ACP6: variants seen among roughly 807,000 people sequenced by gnomAD.
ACP6 encodes the protein acid phosphatase 6, lysophosphatidic.
A neutral mutation model predicts 48.1 loss-of-function variants in ACP6; 48 were observed. The observed-to-expected ratio is 1.00, with a 90% CI of 0.79 to 1.27. The LOEUF is 1.27. Ranked by LOEUF, ACP6 falls within the 50% of genes most tolerant of loss-of-function variation. ACP6 has a pLI of 0.00. For missense variants in ACP6, 485 were observed against 529.1 expected, an observed-to-expected ratio of 0.92 and a Z score of 0.82; for synonymous variants, 172 against 204.2, an observed-to-expected ratio of 0.84 and a Z score of 1.34.
Position 147,647,222 on chromosome 1 carries a change from A to G in ACP6, c.*201T>C. 1 of 596,938 alleles carries G rather than the reference A, an allele frequency of 1.7e-6. No homozygotes were observed. Among genetic ancestry groups the G allele is most frequent in the Non-Finnish European group, 2.8e-6 (1 of 357,238 alleles). The allele number at this position is 596,938 out of a possible 1,614,324, so 37.0% of individuals were successfully genotyped here. On this transcript the variant is annotated 3_prime_UTR_variant, in exon 10 of 10. Coordinates refer to ENST00000583509, the MANE Select transcript of ACP6 (RefSeq NM_016361.5). ...CCTTAGAAACCAACTCACAAAATAG[A>G]GAAATATCCTTTTGGTCTCAATATT...
intron 1 of ACP6, among the ~76,000 whole-genome samples, chr1:147,662,993 CA>C (rs1660622214): frequency 6.6e-6 from 1 of 152,206 alleles, no homozygotes; most frequent in Non-Finnish European, 1.5e-5. Context: ...GCAAAAAGAT[CA>C]TGACTCACTG....
chr1:147,635,462 C>T (rs1451786934), intron 5 of ACP6, among the ~76,000 whole-genome samples: 1 of 152,222 alleles, frequency 6.6e-6, no homozygotes, highest in Non-Finnish European at 1.5e-5. Flanking sequence ...CTGAGCCTAT[C>T]TTTTACTTCT....
chr1:147,644,825 T>C lies in ACP6; in HGVS notation c.*2598A>G, dbSNP rs370149558. ...AGGCACGGAAATTGAGAGTTTATTG[T>C]GGACAATGGGAAGTTTGATACCTAT... On this transcript the variant is annotated 3_prime_UTR_variant, in exon 10 of 10. Transcript: ENST00000583509. The C allele has an allele frequency of 1.3e-5, 2 of 152,276 alleles. No homozygotes were observed. The highest frequency in any genetic ancestry group is 1.9e-4 in the East Asian group (1 of 5,176). The allele number at this position is 152,276 out of a possible 1,614,324, so 9.4% of individuals were successfully genotyped here.
intron 1 of ACP6, 89 bp from the exon 2 acceptor site, chr1:147,659,864 C>A: frequency 1.4e-6 from 2 of 1,477,482 alleles, no homozygotes; most frequent in Admixed American, 2.0e-5. Flanking sequence ...GAACACATGG[C>A]TGGAATCACT....
At chr1:147,636,494 G>C (rs1384973256) in intron 5 of ACP6, among the ~76,000 whole-genome samples, 1 of 152,160 alleles carries the variant, frequency 6.6e-6, no homozygotes, top group African/African-American at 2.4e-5. Flanking sequence ...AAAGCAAAGA[G>C]ACAAAGGGAC....
exon 6 of ACP6, chr1:147,629,812 T>C (rs1161418852): frequency 1.3e-5 from 2 of 152,218 alleles, no homozygotes; most frequent in Non-Finnish European, 2.9e-5. Flanking sequence ...AAGTTGTCTC[T>C]ATTTAACATG....
chr1:147,649,046 G>A (rs1267598432), intron 8 of ACP6, among the ~76,000 whole-genome samples: 2 of 152,124 alleles, frequency 1.3e-5, no homozygotes, highest in Non-Finnish European at 2.9e-5. Flanking sequence ...TGGCAAGGTG[G>A]CAAAAGCCAG....
intron 1 of ACP6, among the ~76,000 whole-genome samples, chr1:147,667,563 G>C (rs932783118): frequency 6.6e-6 from 1 of 152,076 alleles, no homozygotes; most frequent in South Asian, 2.1e-4. Flanking sequence ...TTTGTGAGAT[G>C]GCTGAATGAA....
In ACP6 at chr1:147,642,713, A is replaced by C. The variant is rs587646774; in HGVS notation, c.*4710T>G. 1 of 152,358 alleles carries C rather than the reference A, an allele frequency of 6.6e-6. No individual in the cohort carries two copies. The highest frequency in any genetic ancestry group is 6.5e-5 in the Admixed American group (1 of 15,302). 9.4% of individuals were successfully genotyped at this position (152,358 alleles called of 1,614,324 possible). A position where few individuals can be genotyped will look rare whatever the true frequency, so the allele number is the denominator to read the frequency against. On this transcript the variant is annotated 3_prime_UTR_variant, in exon 10 of 10. Transcript: ENST00000583509. ...ACTGGCATGCACTAGGCACTATTCCAGGTGCTGGGGACACATCAGTGAACA... is the reference window on the plus strand; with the variant it reads ...ACTGGCATGCACTAGGCACTATTCCCGGTGCTGGGGACACATCAGTGAACA...
intron 5 of ACP6, among the ~76,000 whole-genome samples, chr1:147,633,828 G>A (rs376886767): frequency 6.6e-6 from 1 of 151,218 alleles, no homozygotes; most frequent in East Asian, 1.9e-4. Context: ...TCATAACTGA[G>A]GTGCTTTTTT....
At position 147,670,075 on chromosome 1, in the gene ACP6, G is replaced by A; in HGVS notation, c.-27C>T. On this transcript the variant is annotated 5_prime_UTR_variant, in exon 1 of 10. Transcript: ENST00000583509. ...GTGGTAGGCCCTCGCTGCCCTCCGG[G>A]TTGAGGCTGCAGGAGGCAAACACAA... 1 of 1,477,326 alleles carries A rather than the reference G, an allele frequency of 6.8e-7. No individual in the cohort carries two copies. Among genetic ancestry groups the A allele is most frequent in the Non-Finnish European group, 9.1e-7 (1 of 1,104,780 alleles). The allele number at this position is 1,477,326 out of a possible 1,614,324, so 91.5% of individuals were successfully genotyped here.
downstream of ACP6, among the ~76,000 whole-genome samples, chr1:147,638,541 G>T (rs1659359425): frequency 6.6e-6 from 1 of 152,172 alleles, no homozygotes; most frequent in African/African-American, 2.4e-5. Flanking sequence ...ATGACAAGAG[G>T]CAGCCAACTC....
intron 5 of ACP6, among the ~76,000 whole-genome samples, chr1:147,633,238 C>T (rs1659215600): frequency 6.6e-6 from 1 of 152,144 alleles, no homozygotes; most frequent in African/African-American, 2.4e-5. Context: ...TCATCCCAGC[C>T]CTTCAGATAG....
intron 1 of ACP6, among the ~76,000 whole-genome samples, chr1:147,664,427 G>A (rs1479550911): frequency 6.6e-6 from 1 of 152,108 alleles, no homozygotes; most frequent in Non-Finnish European, 1.5e-5. Flanking sequence ...CATTCATTTA[G>A]AAAGACTTTT....
chr1:147,659,269 T>A, intron 3 of ACP6, 127 bp downstream of exon 3: 1 of 1,339,440 alleles, frequency 7.5e-7, no homozygotes, highest in African/African-American at 1.5e-5. Context: ...CATAAGGGTA[T>A]GCAGCATGAC....
chr1:147,660,456 C>T (rs1660491678), intron 1 of ACP6, among the ~76,000 whole-genome samples: 1 of 152,126 alleles, frequency 6.6e-6, no homozygotes, highest in Non-Finnish European at 1.5e-5. Flanking sequence ...AAGTCTAATC[C>T]CATAGACCAG....
intron 5 of ACP6, among the ~76,000 whole-genome samples, chr1:147,631,313 C>A (rs1279626572): frequency 3.9e-5 from 6 of 152,204 alleles, no homozygotes; most frequent in Non-Finnish European, 5.9e-5. Context: ...GGGACTCATT[C>A]CTAATTCTTT....
chr1:147,649,982 T>A, intron 8 of ACP6, 161 bp downstream of exon 8: 1 of 586,922 alleles, frequency 1.7e-6, no homozygotes, highest in Non-Finnish European at 3.0e-6. Context: ...GGAAGAAAGG[T>A]TAAAAGATTG....
At chr1:147,657,574 C>A (rs1660321871) in intron 4 of ACP6, among the ~76,000 whole-genome samples, 1 of 152,172 alleles carries the variant, frequency 6.6e-6, no homozygotes, top group African/African-American at 2.4e-5. Context: ...GCGCCCACCA[C>A]CACGCCTGGC....
Sources: gnomAD v4.1 joint callset for allele counts (sites outside exome capture counted in the v4.1 genomes callset) on GRCh38, gnomAD v4.1.1 for gene constraint, MANE v1.5 for transcripts, NCBI Gene and HGNC (gene_info 2026-07-23, HGNC 2026-07-21) for gene names.